Variants in SYN3 observed in about 807,000 individuals in gnomAD.
SYN3 encodes synapsin III, also known as synapsin-3.
A neutral mutation model predicts 65.8 loss-of-function variants in SYN3; 35 were observed. That is an observed-to-expected ratio of 0.53 (90% CI 0.41 to 0.70). The LOEUF (loss-of-function observed/expected upper bound fraction) is 0.70. Ranked by LOEUF, SYN3 falls within the 30% of genes least tolerant of loss-of-function variation. The pLI, the probability that SYN3 is intolerant of heterozygous loss-of-function variation, is 0.00. For synonymous variants in SYN3, 270 were observed against 292.9 expected, an observed-to-expected ratio of 0.92 and a Z score of 0.80; for missense variants, 680 against 749.0, an observed-to-expected ratio of 0.91 and a Z score of 1.08.
intron 9 of SYN3, among the ~76,000 whole-genome samples, chr22:32,534,373 TC>T (rs1382910649): frequency 7.0e-6 from 1 of 142,350 alleles, no homozygotes. Context: ...GCCCTTCCAG[TC>T]CCAGCCCTGG....
rs564581485 is a variant in SYN3, at chr22:32,558,864, C to G, written c.775-17151G>C. Among the ~76,000 whole-genome samples, 13 of 152,360 alleles carry G rather than the reference C, an allele frequency of 8.5e-5. No homozygotes were observed. In the East Asian group the frequency reaches 2.5e-3, roughly 29 times the overall value. ...GACTCACAGGGCAGGCTGCCACCACCTGAGTCACCCGCCCCACCTCTGACT... is the reference window on the plus strand; with the variant it reads ...GACTCACAGGGCAGGCTGCCACCACGTGAGTCACCCGCCCCACCTCTGACT... On this transcript the variant is annotated intron_variant, in intron 7 of 13. Transcript: ENST00000358763.
rs1277540663 is a variant in SYN3 at position 32,536,840 on chromosome 22, A to G, written c.992+1196T>C. Among the ~76,000 whole-genome samples the G allele has an allele frequency of 2.0e-5, 3 of 152,262 alleles. No homozygotes were observed. In the South Asian group the frequency reaches 6.2e-4, roughly 32 times the overall value. ...GAGGAGCCTTAAGGCCTTACCTGAC[A>G]CTGTATATCTGGAGTCGTCAGTGAC... On this transcript the variant is annotated intron_variant, in intron 9 of 13. Transcript: ENST00000358763.
intron 4 of SYN3, among the ~76,000 whole-genome samples, chr22:32,927,195 C>A (rs1411497307): frequency 6.6e-6 from 1 of 151,842 alleles, no homozygotes; most frequent in Non-Finnish European, 1.5e-5. Context: ...GTAAATCAAC[C>A]ATTTACTTTG....
chr22:32,902,691 T>C (rs1386828523), intron 4 of SYN3, among the ~76,000 whole-genome samples: 1 of 152,100 alleles, frequency 6.6e-6, no homozygotes, highest in African/African-American at 2.4e-5. Flanking sequence ...ATGGGACTCG[T>C]GGGCAGGTTC....
intron 7 of SYN3, among the ~76,000 whole-genome samples, chr22:32,566,521 C>T (rs893253249): frequency 6.6e-6 from 1 of 152,140 alleles, no homozygotes; most frequent in African/African-American, 2.4e-5. Context: ...CTGAAAGTGA[C>T]GTAAAGTTTG....
intron 6 of SYN3, among the ~76,000 whole-genome samples, chr22:32,657,420 G>T (rs1053505906): frequency 6.6e-6 from 1 of 150,574 alleles, no homozygotes; most frequent in Non-Finnish European, 1.5e-5. Flanking sequence ...ACCGCGCCCG[G>T]CCCGAGCCAC....
chr22:33,001,730 A>T (rs1397907946), intron 2 of SYN3, among the ~76,000 whole-genome samples: 1 of 152,236 alleles, frequency 6.6e-6, no homozygotes, highest in Non-Finnish European at 1.5e-5. Context: ...CCCTACTTAC[A>T]TACATTAACT....
At chr22:32,582,051 G>T (rs966102844) in intron 7 of SYN3, among the ~76,000 whole-genome samples, 2 of 152,018 alleles carry the variant, frequency 1.3e-5, no homozygotes, top group African/African-American at 2.4e-5. Flanking sequence ...ACCCATCTCG[G>T]CCTCCCAAAA....
chr22:32,776,795 G>A (rs544702314), intron 6 of SYN3, among the ~76,000 whole-genome samples: 48 of 152,312 alleles, frequency 3.2e-4, no homozygotes, highest in African/African-American at 9.4e-4. Flanking sequence ...GAAGGCATAA[G>A]AATTCAAAGT....
intron 6 of SYN3, among the ~76,000 whole-genome samples, chr22:32,760,618 C>T (rs895794442): frequency 6.6e-6 from 1 of 152,102 alleles, no homozygotes; most frequent in Non-Finnish European, 1.5e-5. Context: ...AGCCTCCCAC[C>T]GTCTACCCTA....
intron 6 of SYN3, among the ~76,000 whole-genome samples, chr22:32,712,346 G>A (rs940138843): frequency 6.6e-6 from 1 of 152,192 alleles, no homozygotes; most frequent in African/African-American, 2.4e-5. Context: ...CAAAGCATAT[G>A]ATTCATTTTC....
intron 6 of SYN3, among the ~76,000 whole-genome samples, chr22:32,854,368 G>A (rs1350534810): frequency 6.6e-6 from 1 of 152,104 alleles, no homozygotes; most frequent in Non-Finnish European, 1.5e-5. Context: ...AGTTCTTACT[G>A]AGCAGTTCAA....
At chr22:32,861,254 A>C (rs951770550) in intron 6 of SYN3, 1 of 152,046 alleles carries the variant, frequency 6.6e-6, no homozygotes, top group Admixed American at 6.6e-5. Context: ...GCTTGGCAGA[A>C]CCGCAGAGTG....
At chr22:32,637,351 T>A (rs1195321963) in intron 6 of SYN3, among the ~76,000 whole-genome samples, 1 of 152,214 alleles carries the variant, frequency 6.6e-6, no homozygotes, top group Non-Finnish European at 1.5e-5. Context: ...GTTGTGAGGA[T>A]GGAACAGAGT....
At chr22:32,854,798 G>A (rs1327883146) in intron 6 of SYN3, among the ~76,000 whole-genome samples, 2 of 152,184 alleles carry the variant, frequency 1.3e-5, no homozygotes, top group Admixed American at 1.3e-4. Flanking sequence ...AAGCCTTGGG[G>A]GAGAAGAGAG....
At chr22:32,544,063 C>T (rs938276344) in intron 7 of SYN3, among the ~76,000 whole-genome samples, 3 of 152,238 alleles carry the variant, frequency 2.0e-5, no homozygotes, top group African/African-American at 4.8e-5. Flanking sequence ...CTCAGCCGGC[C>T]GAGTAGCCGG....
At chr22:32,988,083 C>A (rs571869550) in intron 2 of SYN3, among the ~76,000 whole-genome samples, 1 of 151,438 alleles carries the variant, frequency 6.6e-6, no homozygotes, top group African/African-American at 2.4e-5. Context: ...CCGAGGTGGG[C>A]GGTTCACGAG....
At chr22:32,644,990 G>C (rs1380499793) in intron 6 of SYN3, among the ~76,000 whole-genome samples, 5 of 152,152 alleles carry the variant, frequency 3.3e-5, no homozygotes, top group Non-Finnish European at 7.3e-5. Context: ...AAGTGGTTGG[G>C]GAAAGGGTGG....
chr22:32,811,824 C>T (rs1476705440), intron 6 of SYN3, among the ~76,000 whole-genome samples: 1 of 152,194 alleles, frequency 6.6e-6, no homozygotes, highest in African/African-American at 2.4e-5. Flanking sequence ...CAACACTTGT[C>T]AAGGATCTGG....
Sources: allele counts gnomAD v4.1 joint callset (sites outside exome capture counted in the v4.1 genomes callset), GRCh38; gene constraint gnomAD v4.1.1; transcripts MANE v1.5; gene names NCBI Gene and HGNC (gene_info 2026-07-23, HGNC 2026-07-21).